SASH1: variants seen among roughly 807,000 people sequenced by gnomAD.
SASH1 encodes the protein SAM and SH3 domain containing 1, also known as SAM and SH3 domain-containing protein 1.
In SASH1, 44 loss-of-function variants were observed where a neutral mutation model predicts 125.2. The ratio of observed to expected loss-of-function variants is 0.35; its 90% CI spans 0.28 to 0.45. The LOEUF is 0.45. SASH1 is among the 20% of genes least tolerant of loss of function. The pLI, the probability that SASH1 is intolerant of heterozygous loss-of-function variation, is 1.00. For synonymous variants in SASH1, 639 were observed against 649.1 expected (o/e 0.98, Z 0.24); for missense variants, 1,426 against 1,614.5 (o/e 0.88, Z 2.00).
the SASH1 span, among the ~76,000 whole-genome samples, chr6:148,208,419 C>G: frequency 6.6e-6 from 1 of 152,194 alleles, no homozygotes; most frequent in Admixed American, 6.5e-5. Flanking sequence ...CCTTGAAGTA[C>G]AGGCACGACC....
At chr6:148,443,948 C>G (rs948739658) in intron 4 of SASH1, among the ~76,000 whole-genome samples, 2 of 152,236 alleles carry the variant, frequency 1.3e-5, no homozygotes, top group Non-Finnish European at 2.9e-5. Flanking sequence ...CTGCAAAAGT[C>G]TCTGCCAACC....
the SASH1 span, among the ~76,000 whole-genome samples, chr6:148,260,560 C>G: frequency 2.0e-5 from 3 of 149,184 alleles, no homozygotes; most frequent in Admixed American, 2.0e-4. Context: ...AAGCTATGAT[C>G]ATGCCACTAC....
chr6:148,353,153 C>T (rs557507979), intron 1 of SASH1, among the ~76,000 whole-genome samples: 9 of 152,156 alleles, frequency 5.9e-5, no homozygotes, highest in South Asian at 4.1e-4. Context: ...ACTGCTGCCT[C>T]GCCTCCCTGT....
intron 2 of SASH1, among the ~76,000 whole-genome samples, chr6:148,439,506 C>CGGT (rs1388255584): frequency 2.0e-5 from 3 of 152,082 alleles, no homozygotes; most frequent in African/African-American, 7.2e-5. Flanking sequence ...GGGCTGGGCG[C>CGGT]GGTGGCTCAT....
At chr6:148,469,004 A>T (rs1777974722) in intron 5 of SASH1, 1 of 154,318 alleles carries the variant, frequency 6.5e-6, no homozygotes, top group African/African-American at 2.4e-5. Flanking sequence ...CCTTAGGATA[A>T]ATCCTTCAAT....
chr6:148,228,040 A>C, the SASH1 span, among the ~76,000 whole-genome samples: 3 of 152,202 alleles, frequency 2.0e-5, no homozygotes, highest in Non-Finnish European at 4.4e-5. Context: ...ATTACATTTC[A>C]AGCTAGTACA....
At chr6:148,530,036 A>C (rs955529390) in intron 12 of SASH1, among the ~76,000 whole-genome samples, 6 of 151,922 alleles carry the variant, frequency 3.9e-5, no homozygotes, top group Admixed American at 2.6e-4. Context: ...CGAACTCCTG[A>C]CCTCGTGAGC....
At chr6:148,249,353 TC>T in the SASH1 span, among the ~76,000 whole-genome samples, 98,864 of 151,984 alleles carry the variant, frequency 0.65, 32,353 homozygotes, top group East Asian at 0.74. Context: ...TGTGCATGCA[TC>T]ACACACACAT....
intron 2 of SASH1, among the ~76,000 whole-genome samples, chr6:148,396,478 G>GAAAAAAAAAAAAAAAAAAAAAAAA (rs61277112): frequency 1.6e-5 from 1 of 63,788 alleles, no homozygotes; most frequent in African/African-American, 6.5e-5. Flanking sequence ...CTGCATCTCA[G>GAAAAAAAAAAAAAAAAAAAAAAAA]AAAAAAAAAA....
chr6:148,435,878 G>A (rs1776272547), intron 2 of SASH1, among the ~76,000 whole-genome samples: 1 of 152,114 alleles, frequency 6.6e-6, no homozygotes, highest in Non-Finnish European at 1.5e-5. Context: ...CATGATCATT[G>A]CAGCCTAATA....
intron 1 of SASH1, among the ~76,000 whole-genome samples, chr6:148,292,330 CAGA>C (rs1779656802): frequency 1.3e-5 from 2 of 152,164 alleles, no homozygotes; most frequent in Admixed American, 1.3e-4. Flanking sequence ...TCCACATGGG[CAGA>C]AGGTGACACA....
intron 2 of SASH1, among the ~76,000 whole-genome samples, chr6:148,413,364 A>G (rs1260348344): frequency 6.6e-6 from 1 of 152,096 alleles, no homozygotes; most frequent in East Asian, 1.9e-4. Context: ...AACAGAAGAA[A>G]TATTTTGTTG....
intron 4 of SASH1, among the ~76,000 whole-genome samples, chr6:148,467,224 G>T (rs1034745537): frequency 1.3e-5 from 2 of 150,014 alleles, no homozygotes; most frequent in Non-Finnish European, 3.0e-5. Context: ...AGCCTCCCGA[G>T]TAGCTAGGAT....
At chr6:148,449,634 G>A (rs564600770) in intron 4 of SASH1, among the ~76,000 whole-genome samples, 8 of 152,098 alleles carry the variant, frequency 5.3e-5, no homozygotes, top group Non-Finnish European at 7.4e-5. Context: ...TGATCCACCC[G>A]CCTTGGCCTC....
intron 1 of SASH1, among the ~76,000 whole-genome samples, chr6:148,308,081 C>A (rs1374395911): frequency 6.6e-6 from 1 of 152,082 alleles, no homozygotes; most frequent in African/African-American, 2.4e-5. Context: ...TGATCTCTTT[C>A]TTGGGTATCT....
intron 4 of SASH1, among the ~76,000 whole-genome samples, chr6:148,456,334 G>A (rs539608461): frequency 6.6e-5 from 10 of 152,064 alleles, no homozygotes; most frequent in Non-Finnish European, 1.2e-4. Flanking sequence ...TCTCCATACC[G>A]CCCGAGCGTG....
intron 1 of SASH1, among the ~76,000 whole-genome samples, chr6:148,299,736 A>G (rs1475022962): frequency 6.6e-6 from 1 of 152,032 alleles, no homozygotes; most frequent in East Asian, 1.9e-4. Context: ...TATAAACATA[A>G]GAAGCCTTTA....
At chr6:148,496,752 A>AG (rs1224939661) in intron 8 of SASH1, among the ~76,000 whole-genome samples, 1 of 152,200 alleles carries the variant, frequency 6.6e-6, no homozygotes, top group African/African-American at 2.4e-5. Flanking sequence ...ACACGCCTGT[A>AG]GTCCCAGCTA....
chr6:148,312,842 AAGGAGGAGAAGG>A (rs1780369207), intron 1 of SASH1, among the ~76,000 whole-genome samples: 1 of 151,954 alleles, frequency 6.6e-6, no homozygotes, highest in South Asian at 2.1e-4. Flanking sequence ...AGAGGAGGAG[AAGGAGGAGAAGG>A]AGGAGGAGAA....
Sources: gnomAD v4.1 joint callset for allele counts (sites outside exome capture counted in the v4.1 genomes callset) on GRCh38, gnomAD v4.1.1 for gene constraint, MANE v1.5 for transcripts, NCBI Gene and HGNC (gene_info 2026-07-23, HGNC 2026-07-21) for gene names.